The following FAM133B variants were observed in gnomAD, a reference collection of about 807,000 sequenced individuals.
FAM133B encodes family with sequence similarity 133 member B, also known as protein FAM133B.
Under a neutral mutation model 46.4 loss-of-function variants are expected in FAM133B, and 25 were observed. That is an observed-to-expected ratio of 0.54 (90% confidence interval 0.39 to 0.75). The LOEUF (loss-of-function observed/expected upper bound fraction) is 0.75, where lower values mean the gene tolerates loss of function less well. Ranked by LOEUF, FAM133B falls within the 30% of genes least tolerant of loss-of-function variation. The pLI, the probability that FAM133B is intolerant of heterozygous loss-of-function variation, is 0.00. For synonymous variants in FAM133B, 75 were observed against 86.0 expected (o/e 0.87, Z 0.71); for missense variants, 205 against 277.6 (o/e 0.74, Z 1.86).
chr7:92,586,994 G>C (rs924804850), intron 1 of FAM133B, among the ~76,000 whole-genome samples: 1 of 152,172 alleles, frequency 6.6e-6, no homozygotes, highest in Non-Finnish European at 1.5e-5. Context: ...TGATGATAAT[G>C]TGTCGATGTA....
chr7:92,584,080 G>T (rs1389659011), intron 1 of FAM133B, among the ~76,000 whole-genome samples: 2 of 145,382 alleles, frequency 1.4e-5, no homozygotes, highest in Non-Finnish European at 3.0e-5. Flanking sequence ...AAAAGAAAGG[G>T]TCTTGCTCTT....
At chr7:92,581,382 T>C (rs1387283058) in intron 2 of FAM133B, 124 bp downstream of exon 2, 41 of 739,398 alleles carry the variant, frequency 5.5e-5, no homozygotes, top group Non-Finnish European at 4.6e-5. Context: ...ACATATCAAA[T>C]GTTACTTAAA....
chr7:92,590,068 A>G (rs777992045), intron 1 of FAM133B, 200 bp downstream of exon 1: 94 of 661,984 alleles, frequency 1.4e-4, no homozygotes, highest in Admixed American at 3.3e-4. Context: ...AGGGGCGGGC[A>G]AGAGAGAGCT....
At chr7:92,571,635 C>T (rs1273353260) in intron 8 of FAM133B, among the ~76,000 whole-genome samples, 1 of 152,094 alleles carries the variant, frequency 6.6e-6, no homozygotes, top group African/African-American at 2.4e-5. Context: ...TAGTGGCCAG[C>T]TTTATATTTT....
At chr7:92,587,896 C>T (rs1232542224) in intron 1 of FAM133B, among the ~76,000 whole-genome samples, 1 of 151,994 alleles carries the variant, frequency 6.6e-6, no homozygotes, top group Non-Finnish European at 1.5e-5. Flanking sequence ...AATGGGGAGG[C>T]TATGCACGAG....
chr7:92,568,450 C>T (rs1034141290), intron 9 of FAM133B, among the ~76,000 whole-genome samples: 6 of 151,818 alleles, frequency 4.0e-5, no homozygotes, highest in African/African-American at 7.3e-5. Flanking sequence ...CTCCGCCTCC[C>T]GGGTTCAAGT....
intron 8 of FAM133B, among the ~76,000 whole-genome samples, chr7:92,570,316 G>T (rs1479402751): frequency 6.6e-6 from 1 of 152,042 alleles, no homozygotes; most frequent in Admixed American, 6.6e-5. Flanking sequence ...TGATCTAAAA[G>T]AATCTCTATG....
intron 2 of FAM133B, among the ~76,000 whole-genome samples, chr7:92,579,895 G>C (rs1430996707): frequency 6.6e-6 from 1 of 152,166 alleles, no homozygotes; most frequent in Non-Finnish European, 1.5e-5. Flanking sequence ...AGTTAATACA[G>C]CTCGCCTGAC....
chr7:92,585,507 T>G (rs1294670181), intron 1 of FAM133B: 2 of 269,326 alleles, frequency 7.4e-6, no homozygotes, highest in Non-Finnish European at 1.1e-5. Context: ...CAGCAAACAC[T>G]GAAAACACCC....
chr7:92,562,181 A>G lies in FAM133B; in HGVS notation c.*101T>C, dbSNP rs1794178129. 7.2e-7 allele frequency: 1 copy of G among 1,394,592 alleles called. No homozygotes were observed. Among genetic ancestry groups the G allele is most frequent in the Admixed American group, 2.6e-5 (1 of 37,772 alleles). The allele number at this position is 1,394,592 out of a possible 1,614,324, so 86.4% of individuals were successfully genotyped here. ...TAGTCCAGGAATAATTCCAAAAACA[A>G]GAAAATTCATGCATTTTAGTAAATA... On this transcript the variant is annotated 3_prime_UTR_variant, in exon 11 of 11. Transcript: ENST00000445716.
At chr7:92,578,425 T>C in intron 3 of FAM133B, 32 bp from the exon 4 acceptor site, 2 of 1,583,022 alleles carry the variant, frequency 1.3e-6, no homozygotes, top group East Asian at 4.5e-5. Context: ...CATCAGAGAC[T>C]ATCTAACCTT....
rs1227105100 is a variant in FAM133B at position 92,569,816 on chromosome 7, T to G, written c.609+7A>C. 7.4e-7 allele frequency: 1 copy of G among 1,354,242 alleles called. No homozygotes were observed. The highest frequency in any genetic ancestry group is 9.7e-7 in the Non-Finnish European group (1 of 1,027,990). 83.9% of individuals were successfully genotyped at this position (1,354,242 alleles called of 1,614,324 possible). Reference sequence around the variant, plus strand: ...AATAGAGAAAATGGATTTGATCATATACTTACCTCCTCAATATACTCTGAT... The same window carrying G: ...AATAGAGAAAATGGATTTGATCATAGACTTACCTCCTCAATATACTCTGAT... On this transcript the variant is annotated splice_region_variant and intron_variant, in intron 9 of 10. Coordinates refer to ENST00000445716, the MANE Select transcript of FAM133B (RefSeq NM_152789.4).
At chr7:92,574,329 T>C (rs1323417346) in intron 8 of FAM133B, among the ~76,000 whole-genome samples, 4 of 152,232 alleles carry the variant, frequency 2.6e-5, no homozygotes, top group African/African-American at 9.6e-5. Context: ...AAAGGTCGCA[T>C]ATTGTATGAC....
chr7:92,579,260 T>G, intron 3 of FAM133B, 57 bp downstream of exon 3: 1 of 1,458,532 alleles, frequency 6.9e-7, no homozygotes, highest in Non-Finnish European at 9.4e-7. Flanking sequence ...ATTATAGGTA[T>G]GAGCCACCAT....
At chr7:92,587,454 C>T (rs572881990) in intron 1 of FAM133B, among the ~76,000 whole-genome samples, 4 of 152,170 alleles carry the variant, frequency 2.6e-5, no homozygotes, top group African/African-American at 7.2e-5. Flanking sequence ...TATTGGTGAA[C>T]GCATGTGGTG....
At chr7:92,589,118 G>T (rs1357978180) in intron 1 of FAM133B, among the ~76,000 whole-genome samples, 1 of 152,218 alleles carries the variant, frequency 6.6e-6, no homozygotes, top group Non-Finnish European at 1.5e-5. Context: ...ATAAAAAAGC[G>T]AGTTCAAGAA....
At chr7:92,562,906 A>C (rs1794203109) in intron 10 of FAM133B, among the ~76,000 whole-genome samples, 1 of 152,236 alleles carries the variant, frequency 6.6e-6, no homozygotes, top group Non-Finnish European at 1.5e-5. Context: ...CAAAGTATCA[A>C]TGTATAGTTA....
chr7:92,576,251 C>T (rs1419130393), intron 7 of FAM133B, among the ~76,000 whole-genome samples: 1 of 152,124 alleles, frequency 6.6e-6, no homozygotes, highest in African/African-American at 2.4e-5. Context: ...AGCGGATTAC[C>T]AAATTACTTC....
chr7:92,575,884 C>T, intron 7 of FAM133B, 63 bp from the exon 8 acceptor site: 1 of 668,896 alleles, frequency 1.5e-6, no homozygotes, highest in South Asian at 2.1e-5. Context: ...AGAACAAGGA[C>T]AAAAACACCC....
Sources: gnomAD v4.1 joint callset for allele counts (sites outside exome capture counted in the v4.1 genomes callset) on GRCh38, gnomAD v4.1.1 for gene constraint, MANE v1.5 for transcripts, NCBI Gene and HGNC (gene_info 2026-07-23, HGNC 2026-07-21) for gene names.